IST1: variants seen among roughly 807,000 people sequenced by gnomAD.
IST1 encodes IST1 homolog.
In IST1, 23 loss-of-function variants were observed where a neutral mutation model predicts 37.0. That is an observed-to-expected ratio of 0.62 (90% CI 0.45 to 0.88). The LOEUF (loss-of-function observed/expected upper bound fraction) is 0.88, where lower values mean the gene tolerates loss of function less well. Among genes scored for constraint, IST1 ranks in the 40% least tolerant of loss-of-function variants. The pLI is 0.00. For synonymous variants in IST1, 180 were observed against 161.7 expected, an observed-to-expected ratio of 1.11 and a Z score of -0.86; for missense variants, 488 against 445.4, an observed-to-expected ratio of 1.10 and a Z score of -0.86.
chr16:71,924,342 G>GT, intron 8 of IST1: 1 of 378,216 alleles, frequency 2.6e-6, no homozygotes, highest in Non-Finnish European at 5.1e-6. Flanking sequence ...GGGCGGGGTG[G>GT]TTCACGCCTG....
intron 5 of IST1, 155 bp downstream of exon 5, chr16:71,920,977 T>A: frequency 1.4e-6 from 1 of 691,890 alleles, no homozygotes; most frequent in Non-Finnish European, 2.6e-6. Flanking sequence ...GGCAGTGTGG[T>A]CCAATCCTTA....
intron 1 of IST1, among the ~76,000 whole-genome samples, chr16:71,913,203 G>A (rs917146844): frequency 1.2e-4 from 18 of 151,628 alleles, no homozygotes; most frequent in African/African-American, 4.1e-4. Context: ...CATAATGGTT[G>A]TACCGTTTTG....
chr16:71,923,645 CTA>C (rs531366364), intron 8 of IST1: 1 of 327,896 alleles, frequency 3.0e-6, no homozygotes, highest in South Asian at 3.6e-5. Flanking sequence ...TTGTAGTGCT[CTA>C]TGAGGGCACT....
chr16:71,898,168 A>G (rs1167316490), intron 1 of IST1, among the ~76,000 whole-genome samples: 2 of 151,624 alleles, frequency 1.3e-5, no homozygotes, highest in African/African-American at 4.8e-5. Context: ...TGAGGTAAAG[A>G]GTTTGAGACC....
chr16:71,910,914 A>G (rs919279013), intron 1 of IST1, among the ~76,000 whole-genome samples: 1 of 152,134 alleles, frequency 6.6e-6, no homozygotes, highest in East Asian at 1.9e-4. Flanking sequence ...CCCCTTCTCC[A>G]TGCATTTATA....
At chr16:71,918,667 C>T (rs1030861461) in intron 4 of IST1, among the ~76,000 whole-genome samples, 2 of 152,122 alleles carry the variant, frequency 1.3e-5, no homozygotes, top group Non-Finnish European at 2.9e-5. Context: ...CCGCCTGCCT[C>T]GGCCTCCCAA....
rs777152039 is a variant in IST1 at position 71,928,570 on chromosome 16, A to T, written c.*757A>T. The T allele has an allele frequency of 6.6e-6, 1 of 152,648 alleles. No individual in the cohort carries two copies. The highest frequency in any genetic ancestry group is 1.5e-5 in the Non-Finnish European group (1 of 68,068). The allele number at this position is 152,648 out of a possible 1,614,324, so 9.5% of individuals were successfully genotyped here. ...CCTGTAGCATATTGTGTTGGATTGC[A>T]TTACTGGCAGAGAAAGGACAAGGTG... On this transcript the variant is annotated 3_prime_UTR_variant, in exon 10 of 10. Coordinates refer to ENST00000378799, the MANE Select transcript of IST1 (RefSeq NM_001270975.2).
intron 5 of IST1, 95 bp downstream of exon 5, chr16:71,920,917 G>C: frequency 1.1e-6 from 1 of 905,272 alleles, no homozygotes; most frequent in Non-Finnish European, 1.9e-6. Flanking sequence ...GTATTGCTCA[G>C]TATGGGGTTT....
chr16:71,894,844 A>G (rs747134156), upstream of IST1: 66 of 1,534,100 alleles, frequency 4.3e-5, no homozygotes, highest in Non-Finnish European at 5.7e-5. Flanking sequence ...AATGGTTTTC[A>G]AGTTAAAAAC....
chr16:71,908,289 G>A lies in IST1; in HGVS notation c.-15-7337G>A, dbSNP rs1440901054. Reference sequence around the variant, plus strand: ...CATTCAAGAGAAATTTCCCTTACTCGTTGTAGCTTTTTTTTTTTTTTTTTT... The same window carrying A: ...CATTCAAGAGAAATTTCCCTTACTCATTGTAGCTTTTTTTTTTTTTTTTTT... On this transcript the variant is annotated intron_variant, in intron 1 of 9. Transcript: ENST00000378799. Among the ~76,000 whole-genome samples the A allele has an allele frequency of 2.5e-5, 3 of 119,678 alleles. No individual in the cohort carries two copies. The Admixed American group carries it at 2.8e-4, about 11-fold the overall frequency. 78.5% of individuals were successfully genotyped at this position (119,678 alleles called of 152,430 possible).
At chr16:71,902,502 A>G (rs1442971512) in intron 1 of IST1, among the ~76,000 whole-genome samples, 2 of 152,220 alleles carry the variant, frequency 1.3e-5, no homozygotes, top group African/African-American at 4.8e-5. Flanking sequence ...ACTCTTGACC[A>G]CAAGTAATCT....
chr16:71,910,054 G>A (rs1298664074), intron 1 of IST1, among the ~76,000 whole-genome samples: 1 of 152,086 alleles, frequency 6.6e-6, no homozygotes, highest in Non-Finnish European at 1.5e-5. Context: ...ATATTAAAAG[G>A]CCTTGATGTA....
intron 9 of IST1, among the ~76,000 whole-genome samples, chr16:71,926,558 G>GGA (rs1386358307): frequency 6.6e-6 from 1 of 151,996 alleles, no homozygotes; most frequent in Non-Finnish European, 1.5e-5. Context: ...ATGTTAGCCA[G>GGA]GATGGTCTTG....
In IST1 at chr16:71,929,410, G is replaced by A. The variant is rs1440279146; in HGVS notation, c.*1597G>A. On this transcript the variant is annotated 3_prime_UTR_variant, in exon 10 of 10. Coordinates refer to ENST00000378799, the MANE Select transcript of IST1 (RefSeq NM_001270975.2). ...AGTGCCAAGATCCATAAGAACTTGG[G>A]ACCAAGGGGATTTTGATTCCTAACT... is the stretch of plus-strand genomic sequence containing the variant. The A allele has an allele frequency of 1.1e-6, 1 of 950,074 alleles. No homozygotes were observed. Among genetic ancestry groups the A allele is most frequent in the Non-Finnish European group, 1.5e-6 (1 of 662,578 alleles). 58.9% of individuals were successfully genotyped at this position (950,074 alleles called of 1,614,324 possible).
intron 4 of IST1, among the ~76,000 whole-genome samples, chr16:71,919,376 C>T (rs1017387014): frequency 6.6e-6 from 1 of 152,170 alleles, no homozygotes; most frequent in Admixed American, 6.5e-5. Context: ...ATTTAGTTAA[C>T]TCCTAGTCAT....
chr16:71,908,179 C>A lies in IST1; in HGVS notation c.-15-7447C>A, dbSNP rs187945353. On this transcript the variant is annotated intron_variant, in intron 1 of 9. Transcript: ENST00000378799. ...GGCTGGTCTTGAACTCCTGACCTCACGATCCACCCGCCTCTGCCTCCCAAA... is the reference window on the plus strand; with the variant it reads ...GGCTGGTCTTGAACTCCTGACCTCAAGATCCACCCGCCTCTGCCTCCCAAA... Among the ~76,000 whole-genome samples the A allele has an allele frequency of 5.2e-3, 794 of 151,672 alleles. 25 individuals are homozygous for A. Among genetic ancestry groups the A allele is most frequent in the South Asian group, 1.5e-3 (7 of 4,784 alleles).
At chr16:71,926,840 G>T (rs1016512911) in intron 9 of IST1, among the ~76,000 whole-genome samples, 1 of 151,950 alleles carries the variant, frequency 6.6e-6, no homozygotes, top group African/African-American at 2.4e-5. Context: ...AGATGTGTGT[G>T]GGGGCATGAT....
chr16:71,923,515 G>T, intron 8 of IST1, 135 bp downstream of exon 8: 1 of 543,884 alleles, frequency 1.8e-6, no homozygotes, highest in Non-Finnish European at 3.3e-6. Flanking sequence ...GGATTCTTGT[G>T]TTGCTTTATA....
intron 1 of IST1, among the ~76,000 whole-genome samples, chr16:71,899,892 G>A (rs528476478): frequency 1.3e-5 from 2 of 151,960 alleles, no homozygotes; most frequent in Non-Finnish European, 2.9e-5. Flanking sequence ...GTATGGTGGT[G>A]GGTGCCTGTA....
Sources: allele counts gnomAD v4.1 joint callset (sites outside exome capture counted in the v4.1 genomes callset), GRCh38; gene constraint gnomAD v4.1.1; transcripts MANE v1.5; gene names NCBI Gene and HGNC (gene_info 2026-07-23, HGNC 2026-07-21).